The following TMEM131 variants were observed in gnomAD, a reference collection of about 807,000 sequenced individuals.
TMEM131 encodes 2610524E03Rik.
TMEM131 carries 66 observed loss-of-function variants against 211.6 expected under a neutral mutation model. The ratio of observed to expected loss-of-function variants is 0.31; its 90% CI spans 0.26 to 0.38. The LOEUF (loss-of-function observed/expected upper bound fraction) is 0.38, where lower values mean the gene tolerates loss of function less well. Ranked by LOEUF, TMEM131 falls within the 10% of genes least tolerant of loss-of-function variation. The probability of loss-of-function intolerance (pLI) is 1.00; values close to 1 mark genes in which losing one functional copy is unlikely to be tolerated. For synonymous variants in TMEM131, 844 were observed against 841.3 expected, an observed-to-expected ratio of 1.00 and a Z score of -0.06; for missense variants, 2,036 against 2,299.3, an observed-to-expected ratio of 0.89 and a Z score of 2.34.
chr2:97,856,034 C>T (rs1368919818), intron 5 of TMEM131, among the ~76,000 whole-genome samples: 2 of 152,082 alleles, frequency 1.3e-5, no homozygotes, highest in Non-Finnish European at 1.5e-5. Context: ...AAAGTTTGTC[C>T]TAATCTTCAG....
chr2:97,889,516 TATAAGGC>T (rs1346109651), intron 3 of TMEM131, among the ~76,000 whole-genome samples: 3 of 150,382 alleles, frequency 2.0e-5, no homozygotes, highest in African/African-American at 7.3e-5. Context: ...AAAAATAAAG[TATAAGGC>T]ATAACTGTAT....
At chr2:97,857,528 GA>G (rs1336305374) in intron 5 of TMEM131, among the ~76,000 whole-genome samples, 8 of 152,184 alleles carry the variant, frequency 5.3e-5, no homozygotes, top group Admixed American at 1.3e-4. Context: ...TAACAAGTTA[GA>G]AATAAAATGT....
chr2:97,980,289 T>A (rs1348014340), intron 1 of TMEM131, among the ~76,000 whole-genome samples: 3 of 152,196 alleles, frequency 2.0e-5, no homozygotes, highest in Non-Finnish European at 2.9e-5. Flanking sequence ...AATAGATTTG[T>A]GTCAGGCAGG....
intron 1 of TMEM131, among the ~76,000 whole-genome samples, chr2:97,980,595 T>C (rs778967661): frequency 2.6e-5 from 4 of 152,184 alleles, no homozygotes; most frequent in Non-Finnish European, 5.9e-5. Context: ...ATAAAATACA[T>C]GTGCATACAA....
chr2:97,927,911 T>C (rs1677058167), intron 1 of TMEM131, among the ~76,000 whole-genome samples: 1 of 152,154 alleles, frequency 6.6e-6, no homozygotes, highest in South Asian at 2.1e-4. Context: ...TTTGTAGTGA[T>C]GATATGACCT....
intron 1 of TMEM131, among the ~76,000 whole-genome samples, chr2:97,964,039 T>A (rs568857727): frequency 2.0e-5 from 3 of 152,194 alleles, no homozygotes; most frequent in Non-Finnish European, 4.4e-5. Flanking sequence ...ATTCTAATAC[T>A]CCAACCGACT....
chr2:97,758,806 T>C, intron 40 of TMEM131, 87 bp downstream of exon 40: 1 of 1,503,614 alleles, frequency 6.7e-7, no homozygotes, highest in Non-Finnish European at 9.0e-7. Flanking sequence ...TGTTTATAAC[T>C]ATGTCAGTGC....
intron 2 of TMEM131, among the ~76,000 whole-genome samples, chr2:97,920,970 A>AGTGTGTGTGT (rs57343769): frequency 1.9e-3 from 280 of 146,720 alleles, no homozygotes; most frequent in African/African-American, 3.1e-3. Context: ...AAAAATCCCG[A>AGTGTGTGTGT]GTGTGTGTGT....
intron 3 of TMEM131, among the ~76,000 whole-genome samples, chr2:97,905,171 T>C (rs1477176447): frequency 6.6e-6 from 1 of 152,184 alleles, no homozygotes; most frequent in Non-Finnish European, 1.5e-5. Context: ...ATTTTCTCAG[T>C]TTTGTCTGAA....
chr2:97,770,957 G>A (rs1363791231), intron 33 of TMEM131, among the ~76,000 whole-genome samples: 1 of 152,192 alleles, frequency 6.6e-6, no homozygotes. Context: ...AGGCCAAGAA[G>A]AAGAATCTCT....
intron 4 of TMEM131, among the ~76,000 whole-genome samples, chr2:97,877,012 G>GTT (rs1674724247): frequency 1.3e-5 from 2 of 152,166 alleles, no homozygotes; most frequent in Admixed American, 6.5e-5. Flanking sequence ...CAAAGTCTCA[G>GTT]GATACAAAAT....
intron 31 of TMEM131, among the ~76,000 whole-genome samples, chr2:97,782,498 CACAA>C (rs1680058188): frequency 1.3e-5 from 2 of 152,146 alleles, no homozygotes; most frequent in South Asian, 4.1e-4. Flanking sequence ...CAAATGAAAA[CACAA>C]ACAAAACAAT....
At chr2:97,765,485 T>A (rs1679116330) in intron 35 of TMEM131, among the ~76,000 whole-genome samples, 1 of 152,234 alleles carries the variant, frequency 6.6e-6, no homozygotes. Context: ...CCTCTCTTGA[T>A]CTCAAATCCC....
chr2:97,913,421 T>C (rs946332348), intron 2 of TMEM131, among the ~76,000 whole-genome samples: 1 of 152,212 alleles, frequency 6.6e-6, no homozygotes, highest in Non-Finnish European at 1.5e-5. Context: ...ACACTGGAGA[T>C]AAATACAGAA....
At chr2:97,818,748 TG>T (rs1681968094) in intron 11 of TMEM131, 27 bp from the exon 12 acceptor site, 3 of 1,436,824 alleles carry the variant, frequency 2.1e-6, no homozygotes, top group Admixed American at 1.9e-5. Flanking sequence ...AATACATACA[TG>T]GCATTATTTC....
chr2:97,834,852 G>C lies in TMEM131; in HGVS notation c.878C>G (p.Ala293Gly). Residue 293 changes from alanine to glycine, a missense_variant, in exon 9 of 41, where the codon GCC becomes GGC. By Grantham distance (60) the Ala-to-Gly change is moderately conservative. Coordinates refer to ENST00000186436, the MANE Select transcript of TMEM131 (RefSeq NM_015348.2). The part of the protein sequence containing the change: ...FSSREADNHT[A>G]FIRIKTNASD... ...AGCATTAGTCTTTATTCTTATGAAG[G>C]CTGTGTGATTATCTGCTTCTCTAGA... The C allele has an allele frequency of 6.2e-7, 1 of 1,613,738 alleles. No individual in the cohort carries two copies. The highest frequency in any genetic ancestry group is 2.2e-5 in the East Asian group (1 of 44,830).
At chr2:97,905,238 G>A (rs534244343) in intron 3 of TMEM131, among the ~76,000 whole-genome samples, 5 of 152,174 alleles carry the variant, frequency 3.3e-5, no homozygotes. Context: ...TTAGATTAGC[G>A]ATTTTTTCTT....
chr2:97,869,601 G>C (rs986092271), intron 4 of TMEM131, among the ~76,000 whole-genome samples: 3 of 152,182 alleles, frequency 2.0e-5, no homozygotes, highest in Admixed American at 2.0e-4. Flanking sequence ...AACAGGGCAG[G>C]CTGCCTCTAG....
chr2:97,900,800 C>T (rs1273284926), intron 3 of TMEM131, among the ~76,000 whole-genome samples: 1 of 152,218 alleles, frequency 6.6e-6, no homozygotes, highest in East Asian at 1.9e-4. Context: ...ACACTGTTTT[C>T]CATAATACCT....
Sources: allele counts gnomAD v4.1 joint callset (sites outside exome capture counted in the v4.1 genomes callset), GRCh38; gene constraint gnomAD v4.1.1; transcripts MANE v1.5; gene names NCBI Gene and HGNC (gene_info 2026-07-23, HGNC 2026-07-21).